Variants in LRRIQ1 observed in about 807,000 individuals in gnomAD.
The protein encoded by LRRIQ1 is leucine rich repeats and IQ motif containing 1, also known as leucine-rich repeat- and IQ domain-containing protein 1.
In LRRIQ1, 210 loss-of-function variants were observed where a neutral mutation model predicts 211.9. The observed-to-expected ratio is 0.99, with a 90% confidence interval of 0.89 to 1.11. The LOEUF is 1.11. LRRIQ1 is among the 50% of genes most tolerant of loss of function. The probability of loss-of-function intolerance (pLI) is 0.00; values close to 1 mark genes in which losing one functional copy is unlikely to be tolerated. For missense variants in LRRIQ1, 2,136 were observed against 1,939.5 expected (o/e 1.10, Z -1.90); for synonymous variants, 699 against 650.1 (o/e 1.08, Z -1.14).
At chr12:85,148,127 G>T (rs1890010817) in intron 19 of LRRIQ1, among the ~76,000 whole-genome samples, 1 of 151,570 alleles carries the variant, frequency 6.6e-6, no homozygotes, top group African/African-American at 2.4e-5. Flanking sequence ...ATCCTCGGTT[G>T]TAATTTAAAG....
At chr12:85,250,901 ATT>A (rs1276399220) in intron 1 of LRRIQ1, among the ~76,000 whole-genome samples, 1 of 100,288 alleles carries the variant, frequency 1.0e-5, no homozygotes, top group African/African-American at 4.3e-5. Context: ...TATTTTATAT[ATT>A]ATATATAATA....
chr12:85,241,103 G>A (rs576420285), intron 26 of LRRIQ1, among the ~76,000 whole-genome samples: 1 of 152,074 alleles, frequency 6.6e-6, no homozygotes, highest in Admixed American at 6.6e-5. Flanking sequence ...TATTGATACA[G>A]TGTCAGTTTT....
In LRRIQ1 at chr12:85,098,633, T is replaced by C. The variant is rs537408718; in HGVS notation, c.3081+85T>C. The C allele has an allele frequency of 1.6e-5, 18 of 1,126,662 alleles. No homozygotes were observed. The African/African-American group carries it at 2.2e-4, about 14-fold the overall frequency. The allele number at this position is 1,126,662 out of a possible 1,614,324, so 69.8% of individuals were successfully genotyped here. A position where few individuals can be genotyped will look rare whatever the true frequency, so the allele number is the denominator to read the frequency against. On this transcript the variant is annotated intron_variant, in intron 12 of 26. Transcript: ENST00000393217. ...TACCAATCACATATTAAAAGCAATT[T>C]TGAATAATTATTTTGTTCATTTTTC...
chr12:85,134,824 T>G lies in LRRIQ1; in HGVS notation c.4210-3026T>G, dbSNP rs992437210. On this transcript the variant is annotated intron_variant, in intron 18 of 26. Coordinates refer to ENST00000393217, the MANE Select transcript of LRRIQ1 (RefSeq NM_001079910.2). The stretch of plus-strand genomic sequence containing the variant: ...AGACCCCATATACCTACCTTCAACA[T>G]GAGTTGAACTACTGGTCAATATTGA... 3.9e-5 allele frequency among the ~76,000 whole-genome samples: 6 copies of G among 152,142 alleles called. No individual in the cohort carries two copies. The East Asian group carries it at 7.8e-4, about 20-fold the overall frequency.
chr12:85,200,443 C>T (rs551507147), intron 24 of LRRIQ1, among the ~76,000 whole-genome samples: 6 of 152,174 alleles, frequency 3.9e-5, no homozygotes, highest in African/African-American at 1.2e-4. Flanking sequence ...ATTTTGATGC[C>T]TTTTATATCT....
chr12:85,215,599 A>G (rs1019863867), intron 24 of LRRIQ1, among the ~76,000 whole-genome samples: 2 of 152,108 alleles, frequency 1.3e-5, no homozygotes, highest in Admixed American at 6.6e-5. Flanking sequence ...AACAAACATT[A>G]TCGGGTTTTC....
At chr12:85,141,809 T>C (rs1357580987) in intron 19 of LRRIQ1, among the ~76,000 whole-genome samples, 1 of 151,254 alleles carries the variant, frequency 6.6e-6, no homozygotes, top group African/African-American at 2.4e-5. Flanking sequence ...TGTTTTCTAT[T>C]TGTTCTATGT....
intron 15 of LRRIQ1, among the ~76,000 whole-genome samples, chr12:85,111,802 T>TA (rs1046027379): frequency 6.6e-6 from 1 of 152,068 alleles, no homozygotes; most frequent in Non-Finnish European, 1.5e-5. Context: ...TGACCAAATT[T>TA]ATTAGAGTCC....
chr12:85,160,577 G>T (rs1321128146), intron 23 of LRRIQ1, 36 bp from the exon 24 acceptor site: 2 of 1,329,358 alleles, frequency 1.5e-6, no homozygotes, highest in Admixed American at 3.6e-5. Context: ...ATTAACCAAA[G>T]ATGAACTCTG....
Position 85,222,943 on chromosome 12 carries a change from C to T in LRRIQ1, c.4823-6574C>T, listed in dbSNP as rs61930053. On this transcript the variant is annotated intron_variant, in intron 24 of 26. Coordinates refer to ENST00000393217, the MANE Select transcript of LRRIQ1 (RefSeq NM_001079910.2). The stretch of plus-strand genomic sequence containing the variant: ...TGCAATGGCGAAAGAAAGAAGGAAC[C>T]AGATTAGTAGTTTACCCAGGAGGTG... Among the ~76,000 whole-genome samples, 863 of 152,186 alleles carry T rather than the reference C, an allele frequency of 5.7e-3. 6 individuals carry two copies. Among genetic ancestry groups the T allele is most frequent in the South Asian group, 0.022 (107 of 4,822 alleles).
chr12:85,170,783 T>C (rs1315582487), intron 24 of LRRIQ1, among the ~76,000 whole-genome samples: 1 of 151,980 alleles, frequency 6.6e-6, no homozygotes, highest in African/African-American at 2.4e-5. Context: ...AGTGAAGTCA[T>C]TGGAGACCTA....
chr12:85,110,898 ACT>A (rs981041083), intron 15 of LRRIQ1, among the ~76,000 whole-genome samples: 2 of 151,712 alleles, frequency 1.3e-5, no homozygotes, highest in Non-Finnish European at 2.9e-5. Flanking sequence ...TAGACGAAGT[ACT>A]CTCTCTATAT....
chr12:85,060,758 T>A (rs993489065), intron 8 of LRRIQ1, among the ~76,000 whole-genome samples: 4 of 151,616 alleles, frequency 2.6e-5, no homozygotes, highest in East Asian at 1.9e-4. Flanking sequence ...AAAAAAAAAA[T>A]AAAATAGACT....
At chr12:85,038,419 CAATT>C in intron 2 of LRRIQ1, 111 bp downstream of exon 2, 2 of 609,956 alleles carry the variant, frequency 3.3e-6, no homozygotes, top group Non-Finnish European at 4.7e-6. Context: ...TTGTTATAAA[CAATT>C]TATATAAATA....
intron 23 of LRRIQ1, among the ~76,000 whole-genome samples, chr12:85,155,962 T>G (rs1451283670): frequency 6.6e-6 from 1 of 151,530 alleles, no homozygotes; most frequent in Non-Finnish European, 1.5e-5. Flanking sequence ...CAGGCAAAAA[T>G]TAAACCTCTT....
intron 19 of LRRIQ1, among the ~76,000 whole-genome samples, chr12:85,151,665 T>A (rs1890254553): frequency 1.3e-5 from 2 of 151,620 alleles, no homozygotes; most frequent in South Asian, 4.1e-4. Context: ...TGGAGAAATA[T>A]GTCTTAAGAG....
chr12:85,111,968 A>ACT (rs67500865), intron 15 of LRRIQ1, among the ~76,000 whole-genome samples: 4,986 of 149,542 alleles, frequency 0.033, 84 homozygotes, highest in Middle Eastern at 0.082. Flanking sequence ...ACACACACAC[A>ACT]CTCTCTCTCT....
chr12:85,114,886 T>C (rs1887464582), intron 15 of LRRIQ1, among the ~76,000 whole-genome samples: 1 of 152,178 alleles, frequency 6.6e-6, no homozygotes, highest in Non-Finnish European at 1.5e-5. Context: ...ACTCAAACTT[T>C]AAGCAGTGTA....
At chr12:85,197,724 T>G (rs2136991191) in intron 24 of LRRIQ1, among the ~76,000 whole-genome samples, 1 of 151,382 alleles carries the variant, frequency 6.6e-6, no homozygotes, top group East Asian at 1.9e-4. Context: ...ATATACCTAA[T>G]GCTAGATGAC....
Sources: allele counts gnomAD v4.1 joint callset (sites outside exome capture counted in the v4.1 genomes callset), GRCh38; gene constraint gnomAD v4.1.1; transcripts MANE v1.5; gene names NCBI Gene and HGNC (gene_info 2026-07-23, HGNC 2026-07-21).